MAPK14: variants seen among roughly 807,000 people sequenced by gnomAD.
MAPK14 encodes CSAID-binding protein.
A neutral mutation model predicts 49.6 loss-of-function variants in MAPK14; 16 were observed. That is an observed-to-expected ratio of 0.32 (90% CI 0.22 to 0.49). The LOEUF (loss-of-function observed/expected upper bound fraction) is 0.49. Among genes scored for constraint, MAPK14 ranks in the 20% least tolerant of loss-of-function variants. The pLI is 0.99. For synonymous variants in MAPK14, 142 were observed against 158.0 expected, an observed-to-expected ratio of 0.90 and a Z score of 0.76; for missense variants, 200 against 441.2, an observed-to-expected ratio of 0.45 and a Z score of 4.90.
At chr6:36,122,180 G>C in the MAPK14 span, among the ~76,000 whole-genome samples, 5 of 152,218 alleles carry the variant, frequency 3.3e-5, no homozygotes, top group African/African-American at 9.6e-5. Flanking sequence ...CTTCTGGGGA[G>C]GATCTATGTG....
At position 36,095,763 on chromosome 6, in the gene MAPK14, T is replaced by C. The variant is rs116418424; in HGVS notation, c.683-224T>C. The stretch of plus-strand genomic sequence containing the variant: ...GCATAAAATGAATATAAAGTGGATA[T>C]GTGTTTGGTAGCATTTTGAATCTTT... On this transcript the variant is annotated intron_variant, in intron 8 of 11. Coordinates refer to ENST00000229794, the MANE Select transcript of MAPK14 (RefSeq NM_139012.3). Among the ~76,000 whole-genome samples, 1,370 of 152,240 alleles carry C rather than the reference T, an allele frequency of 9.0e-3. 18 individuals are homozygous for C. Among genetic ancestry groups the C allele is most frequent in the African/African-American group, 0.032 (1,316 of 41,522 alleles).
chr6:36,029,471 A>G (rs974943367), intron 1 of MAPK14, among the ~76,000 whole-genome samples: 6 of 152,242 alleles, frequency 3.9e-5, no homozygotes, highest in African/African-American at 1.4e-4. Context: ...AAAGCTACGG[A>G]TCTTAAACTA....
chr6:36,048,129 C>T (rs375166465), intron 1 of MAPK14, among the ~76,000 whole-genome samples: 4 of 152,012 alleles, frequency 2.6e-5, no homozygotes, highest in African/African-American at 9.7e-5. Context: ...GCAACCTCCA[C>T]CTCCTGGATT....
chr6:36,102,606 G>C lies in MAPK14; in HGVS notation c.798G>C (p.Pro266=). ...ATATTCAGTCTTTGACTCAGATGCC[G>C]AAGATGAACTTTGCGAATGTATTTA... is the stretch of plus-strand genomic sequence containing the variant. ...RNYIQSLTQM[P]KMNFANVFIG... is the part of the protein sequence containing the mutation. Residue 266 remains proline (P), a synonymous_variant, in exon 10 of 12, where the codon CCG becomes CCC. Transcript: ENST00000229794. 6.2e-7 allele frequency: 1 copy of C among 1,613,984 alleles called. No homozygotes were observed. Among genetic ancestry groups the C allele is most frequent in the Non-Finnish European group, 8.5e-7 (1 of 1,179,918 alleles).
At chr6:36,062,579 T>C (rs1051728933) in intron 3 of MAPK14, among the ~76,000 whole-genome samples, 3 of 152,100 alleles carry the variant, frequency 2.0e-5, no homozygotes, top group African/African-American at 7.2e-5. Flanking sequence ...GGCTATAATT[T>C]GAACACAAAT....
At chr6:36,102,144 AAG>A in intron 9 of MAPK14, among the ~76,000 whole-genome samples, 1 of 152,342 alleles carries the variant, frequency 6.6e-6, no homozygotes, top group East Asian at 1.9e-4. Flanking sequence ...TTGATGTACT[AAG>A]AGCACCTACT....
At chr6:36,035,300 T>C (rs1762699950) in intron 1 of MAPK14, among the ~76,000 whole-genome samples, 1 of 152,222 alleles carries the variant, frequency 6.6e-6, no homozygotes, top group African/African-American at 2.4e-5. Context: ...AGATCACTGA[T>C]CTTTGATGTT....
intron 3 of MAPK14, among the ~76,000 whole-genome samples, chr6:36,059,634 C>T (rs1320234308): frequency 1.3e-5 from 2 of 152,098 alleles, no homozygotes; most frequent in Admixed American, 6.5e-5. Context: ...TATGGATTTT[C>T]TTTTCAAAGT....
At chr6:36,071,603 G>A (rs1764275779) in intron 3 of MAPK14, among the ~76,000 whole-genome samples, 1 of 152,108 alleles carries the variant, frequency 6.6e-6, no homozygotes, top group Non-Finnish European at 1.5e-5. Flanking sequence ...CAGGAATATT[G>A]TCAATGAACA....
intron 1 of MAPK14, among the ~76,000 whole-genome samples, chr6:36,040,307 T>G (rs536463585): frequency 6.6e-6 from 1 of 152,230 alleles, no homozygotes; most frequent in East Asian, 1.9e-4. Context: ...TTGCCACATA[T>G]CTCTTGACGG....
intron 2 of MAPK14, 85 bp downstream of exon 2, chr6:36,052,913 C>A: frequency 8.1e-7 from 1 of 1,236,070 alleles, no homozygotes; most frequent in South Asian, 1.4e-5. Context: ...TGGAAATACG[C>A]TGGAGTGCAT....
At position 36,074,086 on chromosome 6, in the gene MAPK14, G is replaced by A; in HGVS notation, c.485G>A (p.Cys162Tyr). ...AGTAATCTAGCTGTGAATGAAGACTGTGAGCTGAAGGTAAAATGAAGAGAC... is the reference window on the plus strand; with the variant it reads ...AGTAATCTAGCTGTGAATGAAGACTATGAGCTGAAGGTAAAATGAAGAGAC... ...KPSNLAVNED[C>Y]ELKILDFGLA... Residue 162 changes from cysteine to tyrosine, a missense_variant, in exon 6 of 12, where the codon TGT becomes TAT. Physicochemically the swap from Cys to Tyr is radical, Grantham distance 194. This residue lies in a region of MAPK14 where 170 missense variants were observed against 407.0 expected (regional missense o/e 0.42). Coordinates refer to ENST00000229794, the MANE Select transcript of MAPK14 (RefSeq NM_139012.3). 1 of 1,612,718 alleles carries A rather than the reference G, an allele frequency of 6.2e-7. No individual in the cohort carries two copies. The highest frequency in any genetic ancestry group is 8.5e-7 in the Non-Finnish European group (1 of 1,178,930).
chr6:36,080,431 A>G (rs1022433352), intron 8 of MAPK14, among the ~76,000 whole-genome samples: 2 of 152,120 alleles, frequency 1.3e-5, no homozygotes, highest in African/African-American at 4.8e-5. Flanking sequence ...TATTCTAGAA[A>G]TTTCATAGAA....
chr6:36,031,303 G>A (rs6932598), intron 1 of MAPK14, among the ~76,000 whole-genome samples: 18,324 of 151,018 alleles, frequency 0.12, 1,234 homozygotes, highest in African/African-American at 0.18. Flanking sequence ...CCTCAGCCAC[G>A]GTGCCCAGCC....
intron 8 of MAPK14, among the ~76,000 whole-genome samples, chr6:36,079,429 G>A (rs1444791783): frequency 6.6e-6 from 1 of 151,958 alleles, no homozygotes; most frequent in African/African-American, 2.4e-5. Flanking sequence ...TGGCTTCCCT[G>A]GGCCACATTG....
intron 8 of MAPK14, among the ~76,000 whole-genome samples, chr6:36,078,383 C>G (rs1764615082): frequency 6.6e-6 from 1 of 152,156 alleles, no homozygotes; most frequent in Non-Finnish European, 1.5e-5. Context: ...ACCTATGAAT[C>G]ATTAATGTTT....
intron 1 of MAPK14, chr6:36,029,228 C>G (rs1762438864): frequency 6.6e-6 from 1 of 152,100 alleles, no homozygotes; most frequent in Admixed American, 6.5e-5. Flanking sequence ...AGAGAGCTTG[C>G]AGGGAGTTAT....
intron 8 of MAPK14, among the ~76,000 whole-genome samples, chr6:36,094,048 C>T (rs1483053998): frequency 6.6e-6 from 1 of 152,102 alleles, no homozygotes; most frequent in African/African-American, 2.4e-5. Context: ...TATTTTAGAG[C>T]AAGACAGTAT....
intron 8 of MAPK14, among the ~76,000 whole-genome samples, chr6:36,082,656 G>T (rs1485402391): frequency 2.0e-5 from 3 of 152,100 alleles, no homozygotes; most frequent in African/African-American, 7.2e-5. Context: ...GATAGAGCGA[G>T]AACTCACTCA....
Sources: allele counts gnomAD v4.1 joint callset (sites outside exome capture counted in the v4.1 genomes callset), GRCh38; gene constraint gnomAD v4.1.1; regional missense constraint gnomAD v4.1.1; transcripts MANE v1.5; gene names NCBI Gene and HGNC (gene_info 2026-07-23, HGNC 2026-07-21).